NR6A1: variants seen among roughly 807,000 people sequenced by gnomAD.
NR6A1 encodes retinoic acid receptor-related testis-associated receptor.
NR6A1 carries 7 observed loss-of-function variants against 59.1 expected under a neutral mutation model. The ratio of observed to expected loss-of-function variants is 0.12; its 90% CI spans 0.07 to 0.22. The LOEUF (loss-of-function observed/expected upper bound fraction) is 0.22, where lower values mean the gene tolerates loss of function less well. Ranked by LOEUF, NR6A1 falls within the 10% of genes least tolerant of loss-of-function variation. The probability of loss-of-function intolerance (pLI) is 1.00; values close to 1 mark genes in which losing one functional copy is unlikely to be tolerated. For synonymous variants in NR6A1, 243 were observed against 236.1 expected, an observed-to-expected ratio of 1.03 and a Z score of -0.27; for missense variants, 468 against 611.6, an observed-to-expected ratio of 0.77 and a Z score of 2.48.
chr9:124,525,677 ATCTCTC>A lies in NR6A1; in HGVS notation c.1202-810_1202-805del, dbSNP rs71980445. Among the ~76,000 whole-genome samples, 107 of 149,246 alleles carry A rather than the reference ATCTCTC, an allele frequency of 7.2e-4. 1 individual carries two copies. In the South Asian group the frequency reaches 0.018, roughly 25 times the overall value. On this transcript the variant is annotated intron_variant, in intron 8 of 9. Coordinates refer to ENST00000487099, the MANE Select transcript of NR6A1 (RefSeq NM_033334.4). The stretch of plus-strand genomic sequence containing the variant: ...TGGCCCCTCCATTTTTTCTAAATAG[ATCTCTC>A]TCTCTCTCTCTCTCTCTATATATAT...
At chr9:124,554,759 C>G (rs910116543) in intron 2 of NR6A1, among the ~76,000 whole-genome samples, 189 bp from the exon 3 acceptor site, 3 of 152,172 alleles carry the variant, frequency 2.0e-5, no homozygotes, top group Non-Finnish European at 4.4e-5. Flanking sequence ...TACCACAACA[C>G]AGTCTACCTA....
At chr9:124,681,912 A>G (rs769100752) in intron 2 of NR6A1, among the ~76,000 whole-genome samples, 1 of 152,242 alleles carries the variant, frequency 6.6e-6, no homozygotes, top group South Asian at 2.1e-4. Flanking sequence ...GAATTTTAAT[A>G]AAATCGAGTA....
intron 2 of NR6A1, among the ~76,000 whole-genome samples, chr9:124,605,418 C>A (rs772349176): frequency 3.9e-5 from 6 of 152,092 alleles, no homozygotes; most frequent in Non-Finnish European, 8.8e-5. Context: ...GCGTGAGTAT[C>A]ACTTGAGCCA....
intron 2 of NR6A1, among the ~76,000 whole-genome samples, chr9:124,625,099 C>T (rs1043381985): frequency 3.3e-5 from 5 of 152,096 alleles, no homozygotes; most frequent in African/African-American, 1.2e-4. Flanking sequence ...CCCCAGATGT[C>T]ACAGAGAGTA....
At chr9:124,615,710 C>A (rs1835870856) in intron 2 of NR6A1, among the ~76,000 whole-genome samples, 1 of 151,744 alleles carries the variant, frequency 6.6e-6, no homozygotes, top group African/African-American at 2.4e-5. Context: ...CAAGAGAAGA[C>A]TGATTATAGG....
At chr9:124,599,602 G>C (rs1258490829) in intron 2 of NR6A1, 1 of 1,165,082 alleles carries the variant, frequency 8.6e-7, no homozygotes, top group Non-Finnish European at 1.1e-6. Flanking sequence ...GGCGGCGGCC[G>C]CTCGGCTGAG....
intron 2 of NR6A1, among the ~76,000 whole-genome samples, chr9:124,630,670 CTTTTT>C (rs71372980): frequency 5.0e-5 from 3 of 59,522 alleles, no homozygotes; most frequent in African/African-American, 2.2e-4. Flanking sequence ...TACTACATTT[CTTTTT>C]TTTTTTTTTT....
chr9:124,715,816 G>C (rs1274576668), intron 2 of NR6A1, among the ~76,000 whole-genome samples: 3 of 152,208 alleles, frequency 2.0e-5, no homozygotes, highest in Non-Finnish European at 2.9e-5. Flanking sequence ...TAAAGTTATA[G>C]TAATCAAGAC....
At chr9:124,723,996 T>C in intron 2 of NR6A1, among the ~76,000 whole-genome samples, 1 of 152,230 alleles carries the variant, frequency 6.6e-6, no homozygotes, top group Admixed American at 6.5e-5. Flanking sequence ...TGTGGCATTA[T>C]TTATGATGCA....
chr9:124,653,082 A>G lies in NR6A1; in HGVS notation c.142+80226T>C, dbSNP rs142036474. ...CTTCAGTTTCATTAATAGAGAATCT[A>G]TATAACATAGTACGAGCAAGAACTT... On this transcript the variant is annotated intron_variant, in intron 2 of 9. Transcript: ENST00000487099. Among the ~76,000 whole-genome samples the G allele has an allele frequency of 9.5e-4, 144 of 152,246 alleles. 1 individual carries two copies. In the South Asian group the frequency reaches 0.018, roughly 19 times the overall value.
chr9:124,757,706 C>A (rs927695057), intron 1 of NR6A1, among the ~76,000 whole-genome samples: 1 of 152,164 alleles, frequency 6.6e-6, no homozygotes, highest in Non-Finnish European at 1.5e-5. Context: ...CCTAAATATA[C>A]GATGCAGCTG....
chr9:124,557,719 G>T (rs774708980), intron 2 of NR6A1, among the ~76,000 whole-genome samples: 1 of 152,200 alleles, frequency 6.6e-6, no homozygotes, highest in African/African-American at 2.4e-5. Context: ...GGATTTCCTA[G>T]AGTGCTGAAA....
chr9:124,755,064 T>C (rs1462160329), intron 1 of NR6A1, among the ~76,000 whole-genome samples: 1 of 152,198 alleles, frequency 6.6e-6, no homozygotes, highest in Admixed American at 6.6e-5. Flanking sequence ...CCTACCAATT[T>C]GCTGAAATAA....
intron 2 of NR6A1, among the ~76,000 whole-genome samples, chr9:124,684,864 C>T (rs923182973): frequency 1.3e-5 from 2 of 152,086 alleles, no homozygotes; most frequent in Non-Finnish European, 2.9e-5. Context: ...CTCCCAAATC[C>T]AAGTCAATGG....
intron 1 of NR6A1, among the ~76,000 whole-genome samples, chr9:124,767,573 A>C (rs2131211422): frequency 6.6e-6 from 1 of 152,206 alleles, no homozygotes; most frequent in Non-Finnish European, 1.5e-5. Flanking sequence ...ACAGTACTAC[A>C]GCATGTTTTT....
At chr9:124,694,705 TAAG>T (rs1234206048) in intron 2 of NR6A1, among the ~76,000 whole-genome samples, 2 of 152,306 alleles carry the variant, frequency 1.3e-5, no homozygotes, top group East Asian at 3.9e-4. Context: ...CACTTAAGTC[TAAG>T]AAGAAGCAGA....
intron 1 of NR6A1, among the ~76,000 whole-genome samples, chr9:124,734,558 T>C (rs113459468): frequency 0.079 from 11,985 of 152,240 alleles, 609 homozygotes; most frequent in Middle Eastern, 0.14. Context: ...CCAGGCATGA[T>C]GGTGCTTGGC....
In NR6A1 at chr9:124,675,347, C is replaced by T. The variant is rs538461089; in HGVS notation, c.142+57961G>A. Among the ~76,000 whole-genome samples the T allele has an allele frequency of 6.0e-4, 92 of 152,258 alleles. 1 individual carries two copies. In the South Asian group the frequency reaches 0.018, roughly 30 times the overall value. On this transcript the variant is annotated intron_variant, in intron 2 of 9. Coordinates refer to ENST00000487099, the MANE Select transcript of NR6A1 (RefSeq NM_033334.4). Reference sequence around the variant, plus strand: ...TGCCTCCTACCAGACTGTAACTTCTCGAAAAAATACTTTATTCATCACCAG... The same window carrying T: ...TGCCTCCTACCAGACTGTAACTTCTTGAAAAAATACTTTATTCATCACCAG...
chr9:124,620,875 A>G (rs1033197235), intron 2 of NR6A1, among the ~76,000 whole-genome samples: 1 of 152,156 alleles, frequency 6.6e-6, no homozygotes, highest in African/African-American at 2.4e-5. Context: ...CACTTATATA[A>G]TGCTCTGCCC....
Sources: gnomAD v4.1 joint callset for allele counts (sites outside exome capture counted in the v4.1 genomes callset) on GRCh38, gnomAD v4.1.1 for gene constraint, MANE v1.5 for transcripts, NCBI Gene and HGNC (gene_info 2026-07-23, HGNC 2026-07-21) for gene names.